The following OTP variants were observed in gnomAD, a reference collection of about 807,000 sequenced individuals.
The protein encoded by OTP is orthopedia homeobox.
Under a neutral mutation model 22.3 loss-of-function variants are expected in OTP, and 5 were observed. That is an observed-to-expected ratio of 0.22 (90% CI 0.12 to 0.47). The LOEUF is 0.47. Ranked by LOEUF, OTP falls within the 20% of genes least tolerant of loss-of-function variation. OTP has a pLI of 0.99. For synonymous variants in OTP, 229 were observed against 210.6 expected, an observed-to-expected ratio of 1.09 and a Z score of -0.76; for missense variants, 428 against 456.2, an observed-to-expected ratio of 0.94 and a Z score of 0.56.
At position 77,630,338 on chromosome 5, in the gene OTP, C is replaced by A. The variant is rs1290424083; in HGVS notation, c.904G>T (p.Val302Leu). ...GAGGCGATGCTGGTGCCCCGCCACA[C>A]GTCGCTGCTGTCCGGGGAGCTGCAG... ...QLCSSPDSSD[V>L]WRGTSIASLR... Residue 302 changes from valine (V) to leucine (L), a missense_variant, in exon 3 of 3, where the codon GTG becomes TTG. Coordinates refer to ENST00000306422, the MANE Select transcript of OTP (RefSeq NM_032109.3). 1.9e-6 allele frequency: 3 copies of A among 1,569,970 alleles called. No homozygotes were observed. The African/African-American group carries it at 4.1e-5, about 21-fold the overall frequency.
intron 2 of OTP, 132 bp from the exon 3 acceptor site, chr5:77,630,926 C>G: frequency 9.7e-7 from 1 of 1,029,578 alleles, no homozygotes. Context: ...TGCCGTAGGC[C>G]CGACAAGCCC....
At chr5:77,637,517 C>A (rs1580066595) in intron 1 of OTP, among the ~76,000 whole-genome samples, 1 of 152,220 alleles carries the variant, frequency 6.6e-6, no homozygotes, top group Non-Finnish European at 1.5e-5. Context: ...ATAAAACATG[C>A]CTCTGAATCC....
In OTP at chr5:77,636,935, G is replaced by A; in HGVS notation, c.333C>T (p.Phe111=). 4 of 1,614,214 alleles carry A rather than the reference G, an allele frequency of 2.5e-6. No individual in the cohort carries two copies. The highest frequency in any genetic ancestry group is 3.4e-6 in the Non-Finnish European group (4 of 1,180,020). Residue 111 remains phenylalanine, a synonymous_variant, in exon 2 of 3, where the codon TTC becomes TTT. Coordinates refer to ENST00000306422, the MANE Select transcript of OTP (RefSeq NM_032109.3). ...QQKQKRHRTR[F]TPAQLNELER... is the part of the protein sequence containing the mutation. ...CCAACTCGTTGAGCTGTGCGGGGGTGAAGCGCGTCCGGTGGCGCTTCTGCT... is the reference window on the plus strand; with the variant it reads ...CCAACTCGTTGAGCTGTGCGGGGGTAAAGCGCGTCCGGTGGCGCTTCTGCT...
intron 2 of OTP, among the ~76,000 whole-genome samples, chr5:77,631,533 A>G (rs891844529): frequency 1.7e-4 from 25 of 147,776 alleles, no homozygotes; most frequent in African/African-American, 5.5e-4. Context: ...TGCTGCCCCA[A>G]GAGCCTTCAA....
In OTP at chr5:77,630,330, C is replaced by T; in HGVS notation, c.912G>A (p.Arg304=). Reference sequence around the variant, plus strand: ...GGCGGAGGGAGGCGATGCTGGTGCCCCGCCACACGTCGCTGCTGTCCGGGG... The same window carrying T: ...GGCGGAGGGAGGCGATGCTGGTGCCTCGCCACACGTCGCTGCTGTCCGGGG... ...CSSPDSSDVW[R]GTSIASLRRK... Residue 304 remains arginine, a synonymous_variant, in exon 3 of 3, where the codon CGG becomes CGA. Transcript: ENST00000306422. 6.4e-7 allele frequency: 1 copy of T among 1,568,166 alleles called. No individual in the cohort carries two copies. The highest frequency in any genetic ancestry group is 8.6e-7 in the Non-Finnish European group (1 of 1,160,526).
Position 77,638,637 on chromosome 5 carries a change from G to A in OTP, c.-88C>T. On this transcript the variant is annotated 5_prime_UTR_variant, in exon 1 of 3. Coordinates refer to ENST00000306422, the MANE Select transcript of OTP (RefSeq NM_032109.3). ...AATAGATATAAGCTATAAGCTATAC[G>A]ATATAGATATATATAGATCACCTAA... 1 of 1,248,332 alleles carries A rather than the reference G, an allele frequency of 8.0e-7. No individual in the cohort carries two copies. The highest frequency in any genetic ancestry group is 1.1e-6 in the Non-Finnish European group (1 of 914,224). The allele number at this position is 1,248,332 out of a possible 1,614,324, so 77.3% of individuals were successfully genotyped here.
intron 2 of OTP, among the ~76,000 whole-genome samples, chr5:77,635,368 C>T (rs1744990502): frequency 6.6e-6 from 1 of 152,160 alleles, no homozygotes; most frequent in Non-Finnish European, 1.5e-5. Flanking sequence ...AAGAGCATTA[C>T]TAACACATGT....
chr5:77,631,544 C>T (rs1042997585), intron 2 of OTP, among the ~76,000 whole-genome samples: 43 of 148,454 alleles, frequency 2.9e-4, no homozygotes, highest in Non-Finnish European at 4.0e-4. Flanking sequence ...GAGCCTTCAA[C>T]CCTATTCTTT....
At chr5:77,634,116 G>A (rs1357832602) in intron 2 of OTP, among the ~76,000 whole-genome samples, 3 of 152,220 alleles carry the variant, frequency 2.0e-5, no homozygotes, top group Non-Finnish European at 4.4e-5. Context: ...AGGCAAGCCT[G>A]ACTGTGCAGA....
At chr5:77,637,261 T>C (rs1158369435) in intron 1 of OTP, 31 bp from the exon 2 acceptor site, 1 of 1,462,958 alleles carries the variant, frequency 6.8e-7, no homozygotes, top group South Asian at 1.4e-5. Flanking sequence ...CGGTCACTAC[T>C]TTCTTGGCGA....
At chr5:77,634,689 A>G (rs1318683221) in intron 2 of OTP, among the ~76,000 whole-genome samples, 1 of 152,170 alleles carries the variant, frequency 6.6e-6, no homozygotes, top group Non-Finnish European at 1.5e-5. Flanking sequence ...AAGTAAATAC[A>G]TTTTCCATAA....
intron 2 of OTP, among the ~76,000 whole-genome samples, chr5:77,634,499 A>C (rs1744978401): frequency 6.6e-6 from 1 of 152,212 alleles, no homozygotes; most frequent in Non-Finnish European, 1.5e-5. Flanking sequence ...AAAAATATAC[A>C]ATTGCAATGA....
At chr5:77,633,917 TCTGGGCCGAATTCATTA>T (rs1744966222) in intron 2 of OTP, among the ~76,000 whole-genome samples, 1 of 152,194 alleles carries the variant, frequency 6.6e-6, no homozygotes, top group African/African-American at 2.4e-5. Context: ...AGCCGTGAAC[TCTGGGCCGAATTCATTA>T]CAGTTTAATA....
At chr5:77,637,274 C>T in intron 1 of OTP, 44 bp from the exon 2 acceptor site, 1 of 1,457,592 alleles carries the variant, frequency 6.9e-7, no homozygotes, top group Non-Finnish European at 9.1e-7. Context: ...CTTGGCGATG[C>T]CAGGAGGGGC....
chr5:77,633,541 C>A (rs1295647636), intron 2 of OTP, among the ~76,000 whole-genome samples: 1 of 152,066 alleles, frequency 6.6e-6, no homozygotes, highest in African/African-American at 2.4e-5. Context: ...ATATATTAAC[C>A]CCAGCCACGG....
Position 77,636,853 on chromosome 5 carries a change from G to A in OTP, c.415C>T (p.Leu139=). The A allele has an allele frequency of 6.2e-7, 1 of 1,613,900 alleles. No homozygotes were observed. The highest frequency in any genetic ancestry group is 1.7e-5 in the Admixed American group (1 of 60,004). ...CGGGACTCGGTCAGCCCGATACGCA[G>A]TGCCAGCTCCTCACGCATAAAGATG... The part of the protein sequence containing the change: ...PDIFMREELA[L]RIGLTESRVQ... Residue 139 remains leucine, a synonymous_variant, in exon 2 of 3, where the codon CTG becomes TTG. Coordinates refer to ENST00000306422, the MANE Select transcript of OTP (RefSeq NM_032109.3).
intron 2 of OTP, among the ~76,000 whole-genome samples, chr5:77,635,700 T>C (rs1744995906): frequency 6.6e-6 from 1 of 152,172 alleles, no homozygotes; most frequent in South Asian, 2.1e-4. Context: ...TAAAGTTAAT[T>C]TTATAAAAGT....
At position 77,636,811 on chromosome 5, in the gene OTP, C is replaced by A. The variant is rs780136288; in HGVS notation, c.447+10G>T. On this transcript the variant is annotated intron_variant, in intron 2 of 2. Transcript: ENST00000306422. ...CTTGCCTTCTGTCCCAGATCCCAAGCCCCTCGTACCTGCACTCGGGACTCG... is the reference window on the plus strand; with the variant it reads ...CTTGCCTTCTGTCCCAGATCCCAAGACCCTCGTACCTGCACTCGGGACTCG... 7 of 1,600,652 alleles carry A rather than the reference C, an allele frequency of 4.4e-6. No homozygotes were observed. In the South Asian group the frequency reaches 4.5e-5, roughly 10 times the overall value.
intron 2 of OTP, among the ~76,000 whole-genome samples, chr5:77,634,626 C>T (rs973041769): frequency 3.9e-5 from 6 of 152,008 alleles, no homozygotes; most frequent in Non-Finnish European, 8.8e-5. Flanking sequence ...GAACATAAGC[C>T]AATTACTATT....
Sources: gnomAD v4.1 joint callset for allele counts (sites outside exome capture counted in the v4.1 genomes callset) on GRCh38, gnomAD v4.1.1 for gene constraint, MANE v1.5 for transcripts, NCBI Gene and HGNC (gene_info 2026-07-23, HGNC 2026-07-21) for gene names.